Variants in TUBGCP4 observed in about 807,000 individuals in gnomAD.
The protein encoded by TUBGCP4 is tubulin gamma complex component 4, also known as gamma-tubulin complex component 4.
Under a neutral mutation model 91.6 loss-of-function variants are expected in TUBGCP4, and 54 were observed. The observed-to-expected ratio is 0.59, with a 90% CI of 0.47 to 0.74. The LOEUF (loss-of-function observed/expected upper bound fraction) is 0.74. Ranked by LOEUF, TUBGCP4 falls within the 30% of genes least tolerant of loss-of-function variation. The pLI is 0.00. For synonymous variants in TUBGCP4, 297 were observed against 302.8 expected (o/e 0.98, Z 0.20); for missense variants, 593 against 800.9 (o/e 0.74, Z 3.13).
intron 15 of TUBGCP4, chr15:43,402,812 A>C (rs2044715362): frequency 6.6e-6 from 1 of 152,226 alleles, no homozygotes; most frequent in African/African-American, 2.4e-5. Context: ...TTCTAATGGA[A>C]CGGTTATGCC....
In TUBGCP4 at chr15:43,407,687, T is replaced by G. The variant is rs1176197763; in HGVS notation, c.*2473T>G. The G allele has an allele frequency of 2.0e-6, 2 of 998,234 alleles. No homozygotes were observed. Among genetic ancestry groups the G allele is most frequent in the Non-Finnish European group, 2.9e-6 (2 of 684,990 alleles). The allele number at this position is 998,234 out of a possible 1,614,324, so 61.8% of individuals were successfully genotyped here. ...CTCTGCACAAACCAAAGCCCTATTATGTCAAACACACTGCTACTGATCATG... is the reference window on the plus strand; with the variant it reads ...CTCTGCACAAACCAAAGCCCTATTAGGTCAAACACACTGCTACTGATCATG... On this transcript the variant is annotated 3_prime_UTR_variant, in exon 18 of 18. Transcript: ENST00000564079.
chr15:43,384,424 A>G (rs1566893352), intron 7 of TUBGCP4, among the ~76,000 whole-genome samples: 1 of 152,188 alleles, frequency 6.6e-6, no homozygotes, highest in African/African-American at 2.4e-5. Context: ...AAGGCTTTTC[A>G]GTGGAAGGTA....
In TUBGCP4 at chr15:43,407,844, G is replaced by C. The variant is rs2044964777; in HGVS notation, c.*2630G>C. 1.6e-6 allele frequency: 2 copies of C among 1,245,938 alleles called. No individual in the cohort carries two copies. The highest frequency in any genetic ancestry group is 4.7e-5 in the East Asian group (2 of 42,712). The allele number at this position is 1,245,938 out of a possible 1,614,324, so 77.2% of individuals were successfully genotyped here. A position where few individuals can be genotyped will look rare whatever the true frequency, so the allele number is the denominator to read the frequency against. Reference sequence around the variant, plus strand: ...TTCTTCTCTAAGAAACATGGATACGGTCAACCTATTAGGCCTGAGCCTTGG... The same window carrying C: ...TTCTTCTCTAAGAAACATGGATACGCTCAACCTATTAGGCCTGAGCCTTGG... On this transcript the variant is annotated 3_prime_UTR_variant, in exon 18 of 18. Transcript: ENST00000564079.
intron 9 of TUBGCP4, chr15:43,394,657 C>T (rs1019811831): frequency 6.5e-6 from 1 of 153,954 alleles, no homozygotes; most frequent in Non-Finnish European, 1.4e-5. Context: ...GTTCGTGGAG[C>T]AGTTTCTCAT....
chr15:43,371,513 G>A, intron 1 of TUBGCP4, 81 bp downstream of exon 1: 1 of 1,428,178 alleles, frequency 7.0e-7, no homozygotes, highest in Non-Finnish European at 9.8e-7. Flanking sequence ...TAGGCTGAGG[G>A]ACCTAGCGAG....
chr15:43,397,965 T>C, intron 12 of TUBGCP4, 76 bp from the exon 13 acceptor site: 1 of 1,448,630 alleles, frequency 6.9e-7, no homozygotes, highest in Non-Finnish European at 9.4e-7. Flanking sequence ...ATTAATGTTA[T>C]TCACTTGTTG....
chr15:43,384,491 A>C (rs952609849), intron 7 of TUBGCP4, among the ~76,000 whole-genome samples: 3 of 152,174 alleles, frequency 2.0e-5, no homozygotes, highest in African/African-American at 7.2e-5. Flanking sequence ...GGCAGAAGGA[A>C]TGATATGTGT....
At chr15:43,395,239 G>T in intron 10 of TUBGCP4, 82 bp downstream of exon 10, 1 of 1,510,972 alleles carries the variant, frequency 6.6e-7, no homozygotes, top group Non-Finnish European at 9.2e-7. Flanking sequence ...GAGAGCACTG[G>T]TTGCCTATAC....
At chr15:43,380,283 T>G in intron 6 of TUBGCP4, 120 bp downstream of exon 6, 1 of 895,574 alleles carries the variant, frequency 1.1e-6, no homozygotes, top group South Asian at 1.6e-5. Flanking sequence ...ATAACCAGGA[T>G]AGAAAAAGCT....
In TUBGCP4 at chr15:43,407,485, C is replaced by G. The variant is rs2044943776; in HGVS notation, c.*2271C>G. 6.2e-7 allele frequency: 1 copy of G among 1,614,224 alleles called. No homozygotes were observed. Among genetic ancestry groups the G allele is most frequent in the East Asian group, 2.2e-5 (1 of 44,884 alleles). On this transcript the variant is annotated 3_prime_UTR_variant, in exon 18 of 18. Coordinates refer to ENST00000564079, the MANE Select transcript of TUBGCP4 (RefSeq NM_014444.5). ...TCACCCACTCTTGTGACACCACAGG[C>G]AGCTGCAATGCTTCAGCACACTTCA...
chr15:43,373,794 G>A (rs1595474622), intron 1 of TUBGCP4, among the ~76,000 whole-genome samples: 1 of 152,102 alleles, frequency 6.6e-6, no homozygotes, highest in Admixed American at 6.6e-5. Flanking sequence ...GACTACAGGC[G>A]CCTGCCGCCA....
At position 43,407,725 on chromosome 15, in the gene TUBGCP4, G is replaced by T; in HGVS notation, c.*2511G>T. 1 of 818,928 alleles carries T rather than the reference G, an allele frequency of 1.2e-6. No homozygotes were observed. Among genetic ancestry groups the T allele is most frequent in the Non-Finnish European group, 1.9e-6 (1 of 530,002 alleles). 50.7% of individuals were successfully genotyped at this position (818,928 alleles called of 1,614,324 possible). ...GCTACTGATCATGACCAAAGGCAGAGTTATAATCACTATGTGCTGACCTTG... is the reference window on the plus strand; with the variant it reads ...GCTACTGATCATGACCAAAGGCAGATTTATAATCACTATGTGCTGACCTTG... On this transcript the variant is annotated 3_prime_UTR_variant, in exon 18 of 18. Transcript: ENST00000564079.
intron 1 of TUBGCP4, among the ~76,000 whole-genome samples, chr15:43,375,607 A>T (rs549276428): frequency 4.4e-4 from 67 of 152,342 alleles, no homozygotes; most frequent in African/African-American, 1.6e-3. Flanking sequence ...TTTACAGATA[A>T]TAGGTATGCT....
chr15:43,380,543 T>C (rs1361724576), intron 6 of TUBGCP4, among the ~76,000 whole-genome samples: 1 of 152,234 alleles, frequency 6.6e-6, no homozygotes, highest in African/African-American at 2.4e-5. Flanking sequence ...GTTTATGCTT[T>C]ATAATCCCAT....
At position 43,386,222 on chromosome 15, in the gene TUBGCP4, C is replaced by T. The variant is rs772757875; in HGVS notation, c.906C>T (p.Asn302=). ...NLTRKGSILK[N]QEDTFAAELH... is the part of the protein sequence containing the mutation. ...ATTTTGCAGGATCCATTTTGAAAAA[C>T]CAGGAAGACACTTTTGCTGCAGAGC... Residue 302 remains asparagine, a synonymous_variant, in exon 9 of 18, where the codon AAC becomes AAT. Transcript: ENST00000564079. The T allele has an allele frequency of 6.2e-7, 1 of 1,607,612 alleles. No individual in the cohort carries two copies. Among genetic ancestry groups the T allele is most frequent in the South Asian group, 1.1e-5 (1 of 90,258 alleles).
At chr15:43,392,421 AATTAT>A (rs2044491165) in intron 9 of TUBGCP4, among the ~76,000 whole-genome samples, 1 of 152,076 alleles carries the variant, frequency 6.6e-6, no homozygotes, top group Non-Finnish European at 1.5e-5. Context: ...ACATAGTCTG[AATTAT>A]ATTGTTTCTT....
intron 9 of TUBGCP4, chr15:43,394,808 G>T: frequency 2.5e-6 from 1 of 407,964 alleles, no homozygotes. Context: ...TTTGCCTTCT[G>T]CCATGATTGT....
chr15:43,371,827 A>T (rs1190718374), intron 1 of TUBGCP4, among the ~76,000 whole-genome samples: 1 of 152,186 alleles, frequency 6.6e-6, no homozygotes, highest in Non-Finnish European at 1.5e-5. Context: ...AGCGCTCAGT[A>T]AAGTTTGTTG....
chr15:43,394,946 T>C (rs1595494447), intron 9 of TUBGCP4, 161 bp from the exon 10 acceptor site: 2 of 723,638 alleles, frequency 2.8e-6, no homozygotes, highest in Non-Finnish European at 2.4e-6. Context: ...TTTACAGCAG[T>C]GTGAGAATGG....
Sources: gnomAD v4.1 joint callset for allele counts (sites outside exome capture counted in the v4.1 genomes callset) on GRCh38, gnomAD v4.1.1 for gene constraint, MANE v1.5 for transcripts, NCBI Gene and HGNC (gene_info 2026-07-23, HGNC 2026-07-21) for gene names.